The following SGSM1 variants were observed in gnomAD, a reference collection of about 807,000 sequenced individuals.
SGSM1 encodes the protein RUN and TBC1 domain containing 2.
SGSM1 carries 73 observed loss-of-function variants against 133.8 expected under a neutral mutation model. That is an observed-to-expected ratio of 0.55 (90% confidence interval 0.45 to 0.66). The LOEUF (loss-of-function observed/expected upper bound fraction) is 0.66. Among genes scored for constraint, SGSM1 ranks in the 30% least tolerant of loss-of-function variants. The pLI, the probability that SGSM1 is intolerant of heterozygous loss-of-function variation, is 0.00. For missense variants in SGSM1, 1,213 were observed against 1,448.1 expected (o/e 0.84, Z 2.64); for synonymous variants, 563 against 573.0 (o/e 0.98, Z 0.25).
chr22:24,927,014 AGCTGGCTCTTACCACAAGTAAT>A lies in SGSM1; in HGVS notation c.*2745_*2766del, dbSNP rs2123763102. The A allele has an allele frequency of 6.6e-6, 1 of 152,270 alleles. No homozygotes were observed. Among genetic ancestry groups the A allele is most frequent in the South Asian group, 2.1e-4 (1 of 4,822 alleles). The allele number at this position is 152,270 out of a possible 1,614,324, so 9.4% of individuals were successfully genotyped here. Reference sequence around the variant, plus strand: ...TGAATCACTTCTGACTTCTTGTATTAGCTGGCTCTTACCACAAGTAATGCTGCATTACAAATGACCCAAAAAG... The same window carrying A: ...TGAATCACTTCTGACTTCTTGTATTAGCTGCATTACAAATGACCCAAAAAG... On this transcript the variant is annotated 3_prime_UTR_variant, in exon 25 of 25. Coordinates refer to ENST00000400358, the MANE Select transcript of SGSM1 (RefSeq NM_001098497.3).
intron 12 of SGSM1, among the ~76,000 whole-genome samples, chr22:24,873,099 C>G (rs1372487737): frequency 1.3e-5 from 2 of 152,002 alleles, no homozygotes; most frequent in Non-Finnish European, 2.9e-5. Flanking sequence ...GCTGGAATCA[C>G]AGGCACAAGC....
At chr22:24,870,201 A>G (rs969388294) in intron 12 of SGSM1, among the ~76,000 whole-genome samples, 2 of 152,178 alleles carry the variant, frequency 1.3e-5, no homozygotes, top group East Asian at 1.9e-4. Flanking sequence ...CAGCCACTCC[A>G]TGGAACCAGG....
intron 18 of SGSM1, among the ~76,000 whole-genome samples, chr22:24,896,335 T>C (rs1487377577): frequency 6.6e-6 from 1 of 152,076 alleles, no homozygotes; most frequent in African/African-American, 2.4e-5. Context: ...TTAAAATCAA[T>C]TGAATCAAAA....
chr22:24,902,443 A>G (rs1030732576), intron 20 of SGSM1, among the ~76,000 whole-genome samples: 16 of 152,338 alleles, frequency 1.1e-4, no homozygotes, highest in Non-Finnish European at 1.8e-4. Context: ...ACTTGAGGCC[A>G]CTTGAGTTCT....
intron 2 of SGSM1, among the ~76,000 whole-genome samples, chr22:24,807,057 C>T (rs1474064751): frequency 6.6e-6 from 1 of 152,124 alleles, no homozygotes; most frequent in Non-Finnish European, 1.5e-5. Context: ...CCCTTCACTC[C>T]CCCCGCCCCA....
chr22:24,828,476 A>G (rs1928918739), intron 2 of SGSM1, among the ~76,000 whole-genome samples: 1 of 152,234 alleles, frequency 6.6e-6, no homozygotes, highest in South Asian at 2.1e-4. Context: ...TTCGCTAAAA[A>G]AGACATGCAT....
chr22:24,924,034 A>G lies in SGSM1; in HGVS notation c.3194-152A>G, dbSNP rs188092894. Among the ~76,000 whole-genome samples, 340 of 152,254 alleles carry G rather than the reference A, an allele frequency of 2.2e-3. 2 individuals are homozygous for G. The highest frequency in any genetic ancestry group is 6.8e-3 in the African/African-American group (284 of 41,546). On this transcript the variant is annotated intron_variant, in intron 24 of 24. Coordinates refer to ENST00000400358, the MANE Select transcript of SGSM1 (RefSeq NM_001098497.3). ...TCCCCATTTTACAGATGAGGAAACT[A>G]AGGTCCAGAGGTAGAGGCCTTCTCC... is the stretch of plus-strand genomic sequence containing the variant.
chr22:24,895,667 G>A (rs144312403), intron 18 of SGSM1, among the ~76,000 whole-genome samples: 2 of 151,968 alleles, frequency 1.3e-5, no homozygotes, highest in African/African-American at 2.4e-5. Flanking sequence ...TTTTAAATGT[G>A]TACATAAATG....
Position 24,900,370 on chromosome 22 carries a change from T to C in SGSM1, c.2611-1463T>C, listed in dbSNP as rs74882557. 1.0e-3 allele frequency among the ~76,000 whole-genome samples: 72 copies of C among 71,568 alleles called. 1 individual carries two copies. The highest frequency in any genetic ancestry group is 3.5e-3 in the African/African-American group (69 of 19,448). 47.0% of individuals were successfully genotyped at this position (71,568 alleles called of 152,430 possible). ...TTCTTTCTTTCTTTCTTTCTTTCTT[T>C]CTTTCTTTCTTTCTTTCTTTCTTTC... On this transcript the variant is annotated intron_variant, in intron 19 of 24. Transcript: ENST00000400358.
chr22:24,900,342 T>TCTTTCTTTCTTC (rs1393126563), intron 19 of SGSM1, among the ~76,000 whole-genome samples: 3 of 23,044 alleles, frequency 1.3e-4, no homozygotes, highest in African/African-American at 4.6e-4. Flanking sequence ...GTTAACCTCT[T>TCTTTCTTTCTTC]CTTTCTTTCT....
At chr22:24,809,784 C>G (rs2147776100) in intron 2 of SGSM1, among the ~76,000 whole-genome samples, 2 of 152,248 alleles carry the variant, frequency 1.3e-5, no homozygotes, top group South Asian at 4.2e-4. Context: ...GTTACCTTAT[C>G]AAAATTACAA....
In SGSM1 at chr22:24,855,392, G is replaced by A. The variant is rs771782020; in HGVS notation, c.631G>A (p.Val211Met). The A allele has an allele frequency of 3.3e-5, 53 of 1,613,516 alleles. 1 individual carries two copies. In the South Asian group the frequency reaches 4.4e-4, roughly 13 times the overall value. Residue 211 changes from valine (V) to methionine (M), a missense_variant, in exon 7 of 25, where the codon GTG (valine) becomes ATG (methionine). By Grantham distance (21) the Val-to-Met change is conservative. Coordinates refer to ENST00000400358, the MANE Select transcript of SGSM1 (RefSeq NM_001098497.3). ...GAGGCACCGCATCCACAGCTCCCACGTGCGGCAGGACTCGCCCACCAAGCG... is the reference window on the plus strand; with the variant it reads ...GAGGCACCGCATCCACAGCTCCCACATGCGGCAGGACTCGCCCACCAAGCG... ...VQRHRIHSSH[V>M]RQDSPTKRPA...
At chr22:24,810,697 A>G (rs903749645) in intron 2 of SGSM1, among the ~76,000 whole-genome samples, 1 of 152,150 alleles carries the variant, frequency 6.6e-6, no homozygotes, top group Admixed American at 6.5e-5. Flanking sequence ...GGAAGGAGAC[A>G]GGGAGATGAG....
chr22:24,850,581 G>C (rs967069934), intron 5 of SGSM1, 149 bp downstream of exon 5: 2 of 1,182,052 alleles, frequency 1.7e-6, no homozygotes, highest in Admixed American at 2.7e-5. Flanking sequence ...AACTTGGGTA[G>C]ATTCAAGAGC....
chr22:24,824,475 G>A (rs1354269663), intron 2 of SGSM1, among the ~76,000 whole-genome samples: 1 of 151,854 alleles, frequency 6.6e-6, no homozygotes, highest in African/African-American at 2.4e-5. Flanking sequence ...AAATACTCCT[G>A]TCCCCACCCC....
At chr22:24,860,396 T>C (rs951740372) in intron 9 of SGSM1, among the ~76,000 whole-genome samples, 1 of 152,130 alleles carries the variant, frequency 6.6e-6, no homozygotes, top group Non-Finnish European at 1.5e-5. Context: ...GTGTGGCTGG[T>C]TCAAATATTT....
At chr22:24,900,413 T>TTCTTTCTTTCTCTTTCTTTCTTTCTTTC (rs1555935573) in intron 19 of SGSM1, among the ~76,000 whole-genome samples, 1 of 141,850 alleles carries the variant, frequency 7.0e-6, no homozygotes, top group African/African-American at 2.9e-5. Context: ...CTTTCTGTAT[T>TTCTTTCTTTCTCTTTCTTTCTTTCTTTC]TTTGAGACAG....
intron 14 of SGSM1, among the ~76,000 whole-genome samples, chr22:24,879,883 G>T (rs73155798): frequency 0.012 from 1,826 of 152,268 alleles, 14 homozygotes; most frequent in South Asian, 0.048. Flanking sequence ...CATGCTGTAG[G>T]TGCTCAATAA....
In SGSM1 at chr22:24,886,816, C is replaced by G; in HGVS notation, c.1770+88C>G. On this transcript the variant is annotated intron_variant, in intron 16 of 24. Transcript: ENST00000400358. ...TGGGGAGTGCTGGTTCCACGCTGGA[C>G]CAAGGAAGGGGAGGGAGATACGGGG... 6 of 1,436,462 alleles carry G rather than the reference C, an allele frequency of 4.2e-6. No homozygotes were observed. In the South Asian group the frequency reaches 8.8e-5, roughly 21 times the overall value. 89.0% of individuals were successfully genotyped at this position (1,436,462 alleles called of 1,614,324 possible). A position where few individuals can be genotyped will look rare whatever the true frequency, so the allele number is the denominator to read the frequency against.
Sources: allele counts gnomAD v4.1 joint callset (sites outside exome capture counted in the v4.1 genomes callset), GRCh38; gene constraint gnomAD v4.1.1; transcripts MANE v1.5; gene names NCBI Gene and HGNC (gene_info 2026-07-23, HGNC 2026-07-21).